MINAR1: variants seen among roughly 807,000 people sequenced by gnomAD.
The protein encoded by MINAR1 is membrane integral NOTCH2 associated receptor 1, also known as major intrinsically disordered Notch2-binding receptor 1.
A neutral mutation model predicts 65.1 loss-of-function variants in MINAR1; 40 were observed. The ratio of observed to expected loss-of-function variants is 0.61; its 90% CI spans 0.48 to 0.80. The LOEUF (loss-of-function observed/expected upper bound fraction) is 0.80. Among genes scored for constraint, MINAR1 ranks in the 30% least tolerant of loss-of-function variants. The pLI, the probability that MINAR1 is intolerant of heterozygous loss-of-function variation, is 0.00. For synonymous variants in MINAR1, 482 were observed against 449.1 expected (o/e 1.07, Z -0.93); for missense variants, 1,128 against 1,148.0 (o/e 0.98, Z 0.25).
chr15:79,435,861 G>A (rs1894585664), intron 1 of MINAR1, among the ~76,000 whole-genome samples: 1 of 152,262 alleles, frequency 6.6e-6, no homozygotes, highest in African/African-American at 2.4e-5. Flanking sequence ...GGGGATAGAA[G>A]CATATATATG....
chr15:79,445,943 G>T (rs775948971), intron 1 of MINAR1, among the ~76,000 whole-genome samples: 2 of 152,166 alleles, frequency 1.3e-5, no homozygotes, highest in Non-Finnish European at 2.9e-5. Flanking sequence ...CTTGTAACTG[G>T]TAAGTTTAAG....
At position 79,471,485 on chromosome 15, in the gene MINAR1, A is replaced by G. The variant is rs568482489; in HGVS notation, c.*3101A>G. The G allele has an allele frequency of 4.5e-4, 68 of 152,612 alleles. No homozygotes were observed. The highest frequency in any genetic ancestry group is 7.3e-4 in the Non-Finnish European group (50 of 68,046). 9.5% of individuals were successfully genotyped at this position (152,612 alleles called of 1,614,324 possible). On this transcript the variant is annotated 3_prime_UTR_variant, in exon 4 of 4. Coordinates refer to ENST00000305428, the MANE Select transcript of MINAR1 (RefSeq NM_015206.3). The stretch of plus-strand genomic sequence containing the variant: ...ACCAGTATCCCCTTCATTACAGTAA[A>G]CTAAATCATAACTTACATCATCCAT...
At chr15:79,464,755 A>AC (rs943150381) in intron 3 of MINAR1, among the ~76,000 whole-genome samples, 6 of 151,874 alleles carry the variant, frequency 4.0e-5, no homozygotes, top group African/African-American at 1.2e-4. Flanking sequence ...GCCCTTCCTC[A>AC]CCCCCTTACC....
intron 1 of MINAR1, among the ~76,000 whole-genome samples, chr15:79,445,090 T>C (rs927454042): frequency 1.3e-5 from 2 of 152,106 alleles, no homozygotes; most frequent in African/African-American, 4.8e-5. Flanking sequence ...TCAGGATTAT[T>C]TTCCTGGTGA....
Position 79,468,290 on chromosome 15 carries a change from G to A in MINAR1, c.2657G>A (p.Arg886Gln), listed in dbSNP as rs189062292. The change falls in exon 4 of 4, where the codon CGA becomes CAA. Residue 886 changes from arginine (R) to glutamine (Q), a missense_variant. Transcript: ENST00000305428. Reference protein sequence around the residue: ...LLKRKEAEFRRAKVCKIAALI... With the variant: ...LLKRKEAEFRQAKVCKIAALI... The stretch of plus-strand genomic sequence containing the variant: ...AAACGTAAAGAAGCCGAATTCAGAC[G>A]AGCCAAGGTCTGCAAGATAGCTGCT... The A allele has an allele frequency of 5.0e-6, 8 of 1,614,060 alleles. No individual in the cohort carries two copies. Among genetic ancestry groups the A allele is most frequent in the Admixed American group, 3.3e-5 (2 of 60,020 alleles).
At chr15:79,413,797 C>G in the MINAR1 span, 1 of 152,212 alleles carries the variant, frequency 6.6e-6, no homozygotes, top group Non-Finnish European at 1.5e-5. Context: ...CCAACCTCGT[C>G]ATGACTGTGC....
chr15:79,468,192 A>C lies in MINAR1; in HGVS notation c.2559A>C (p.Gln853His), dbSNP rs751684387. The change falls in exon 4 of 4, where the codon CAA becomes CAC. Residue 853 changes from glutamine to histidine, a missense_variant. Gln to His is a conservative substitution (Grantham distance 24). Transcript: ENST00000305428. ...GKLTALDLQTQESLNPNNLEY... is the reference protein window; with the variant it reads ...GKLTALDLQTHESLNPNNLEY... ...CATCTTCTCTTCGCTTTTAGACGCA[A>C]GAATCTTTAAACCCAAATAATTTAG... is the stretch of plus-strand genomic sequence containing the variant. 1.9e-6 allele frequency: 3 copies of C among 1,613,254 alleles called. No individual in the cohort carries two copies. The South Asian group carries it at 3.3e-5, about 18-fold the overall frequency.
the MINAR1 span, chr15:79,421,116 G>GA: frequency 6.6e-6 from 1 of 151,970 alleles, no homozygotes; most frequent in East Asian, 1.9e-4. Context: ...TAAAATATTG[G>GA]AAAAAAGTAA....
At chr15:79,440,745 C>A (rs1185323765) in intron 1 of MINAR1, among the ~76,000 whole-genome samples, 1 of 152,174 alleles carries the variant, frequency 6.6e-6, no homozygotes, top group Non-Finnish European at 1.5e-5. Flanking sequence ...CTTTCCCCTG[C>A]GCCTCCTCTG....
upstream of MINAR1, among the ~76,000 whole-genome samples, chr15:79,427,894 G>C (rs916515458): frequency 1.4e-4 from 21 of 152,266 alleles, no homozygotes; most frequent in African/African-American, 4.8e-4. Context: ...GGATTCTTGG[G>C]CAGCTCAGAG....
intron 1 of MINAR1, among the ~76,000 whole-genome samples, chr15:79,447,546 C>G (rs1043803010): frequency 1.3e-5 from 2 of 152,000 alleles, no homozygotes; most frequent in African/African-American, 4.8e-5. Context: ...AGTATTTTCT[C>G]TTGTGTGTTG....
chr15:79,413,117 G>A, the MINAR1 span: 1 of 152,192 alleles, frequency 6.6e-6, no homozygotes, highest in Non-Finnish European at 1.5e-5. Context: ...CTGCAAACAT[G>A]AGAAAGACCC....
intron 2 of MINAR1, among the ~76,000 whole-genome samples, chr15:79,460,002 T>C (rs565308799): frequency 2.3e-4 from 35 of 152,230 alleles, no homozygotes; most frequent in African/African-American, 8.2e-4. Flanking sequence ...TAGGTGCTTC[T>C]GTAGAAATAT....
chr15:79,456,667 G>A lies in MINAR1; in HGVS notation c.520G>A (p.Glu174Lys), dbSNP rs1293969921. 3.1e-6 allele frequency: 5 copies of A among 1,614,148 alleles called. No homozygotes were observed. The South Asian group carries it at 5.5e-5, about 18-fold the overall frequency. ...CTGCCCACAGTTTGTCCCTGCCTCT[G>A]AGCCTAACTTCCTGTTGGGAGTTAG... ...KDCPQFVPAS[E>K]PNFLLGVSKE... Residue 174 changes from glutamate to lysine, a missense_variant, in exon 2 of 4, where the codon GAG (glutamate) becomes AAG (lysine). By Grantham distance (56) the Glu-to-Lys change is moderately conservative. Coordinates refer to ENST00000305428, the MANE Select transcript of MINAR1 (RefSeq NM_015206.3).
upstream of MINAR1, among the ~76,000 whole-genome samples, chr15:79,431,882 G>C (rs889989703): frequency 1.2e-4 from 18 of 152,176 alleles, no homozygotes; most frequent in African/African-American, 4.3e-4. Context: ...GGGCTCCGGC[G>C]GCGCTCTGAC....
intron 1 of MINAR1, among the ~76,000 whole-genome samples, chr15:79,455,479 A>AACC (rs1009171409): frequency 6.6e-6 from 1 of 152,210 alleles, no homozygotes; most frequent in Admixed American, 6.5e-5. Context: ...ACAGTCATGT[A>AACC]ACCACCACCA....
rs761261007 is a variant in MINAR1 at position 79,457,607 on chromosome 15, G to A, written c.1460G>A (p.Cys487Tyr). The change falls in exon 2 of 4, where the codon TGC (cysteine) becomes TAC (tyrosine). Residue 487 changes from cysteine to tyrosine, a missense_variant. Cys to Tyr is a radical substitution (Grantham distance 194). Transcript: ENST00000305428. ...QTEHVLEPKKCRDLCTSGQGK... is the reference protein window; with the variant it reads ...QTEHVLEPKKYRDLCTSGQGK... ...GAGCACGTGCTGGAGCCCAAGAAATGCAGAGACCTGTGCACCTCTGGTCAG... is the reference window on the plus strand; with the variant it reads ...GAGCACGTGCTGGAGCCCAAGAAATACAGAGACCTGTGCACCTCTGGTCAG... 3.7e-6 allele frequency: 6 copies of A among 1,614,188 alleles called. No individual in the cohort carries two copies. The South Asian group carries it at 6.6e-5, about 18-fold the overall frequency.
chr15:79,445,223 A>G (rs940593209), intron 1 of MINAR1, among the ~76,000 whole-genome samples: 4 of 152,106 alleles, frequency 2.6e-5, no homozygotes, highest in Non-Finnish European at 5.9e-5. Context: ...TAGAGTGCTT[A>G]TTGTATGCAA....
the MINAR1 span, chr15:79,426,910 C>T: frequency 2.6e-5 from 4 of 152,210 alleles, no homozygotes; most frequent in African/African-American, 9.6e-5. Flanking sequence ...CCCAGCAATC[C>T]ATTATTGGGT....
Sources: allele counts gnomAD v4.1 joint callset (sites outside exome capture counted in the v4.1 genomes callset), GRCh38; gene constraint gnomAD v4.1.1; transcripts MANE v1.5; gene names NCBI Gene and HGNC (gene_info 2026-07-23, HGNC 2026-07-21).